AOPEP: variants seen among roughly 807,000 people sequenced by gnomAD.
The protein encoded by AOPEP is aminopeptidase O (putative).
A neutral mutation model predicts 98.1 loss-of-function variants in AOPEP; 77 were observed. The observed-to-expected ratio is 0.78, with a 90% CI of 0.65 to 0.95. The LOEUF is 0.95. AOPEP is among the 40% of genes least tolerant of loss of function. AOPEP has a pLI of 0.00. For synonymous variants in AOPEP, 346 were observed against 365.3 expected (o/e 0.95, Z 0.60); for missense variants, 1,024 against 1,024.7 (o/e 1.00, Z 0.01).
chr9:95,093,435 CTT>C, the AOPEP span, among the ~76,000 whole-genome samples: 1 of 152,206 alleles, frequency 6.6e-6, no homozygotes, highest in Non-Finnish European at 1.5e-5. Flanking sequence ...GCGCTGTCTC[CTT>C]TTAAAGTTAC....
Position 94,800,883 on chromosome 9 carries a change from C to T in AOPEP, c.1245C>T (p.Thr415=). 3 of 1,614,148 alleles carry T rather than the reference C, an allele frequency of 1.9e-6. No homozygotes were observed. The highest frequency in any genetic ancestry group is 2.2e-5 in the South Asian group (2 of 91,076). The change falls in exon 5 of 17, where the codon ACC becomes ACT. Residue 415 remains threonine, a synonymous_variant. Coordinates refer to ENST00000375315, the MANE Select transcript of AOPEP (RefSeq NM_001193329.3). ...GCCTCACGGGTGCCTGCCAAGAGAC[C>T]CTTCTGCGGCTGATCCCTCCTTGCC... ...PVCLTGACQE[T]LLRLIPPCLS... is the part of the protein sequence containing the mutation.
At position 94,844,981 on chromosome 9, in the gene AOPEP, T is replaced by C. The variant is rs1033853117; in HGVS notation, c.1364+43979T>C. Among the ~76,000 whole-genome samples, 5 of 152,208 alleles carry C rather than the reference T, an allele frequency of 3.3e-5. No individual in the cohort carries two copies. The South Asian group carries it at 8.3e-4, about 25-fold the overall frequency. On this transcript the variant is annotated intron_variant, in intron 5 of 16. Transcript: ENST00000375315. ...GAATTTAATTATTCATTCAATCAAT[T>C]AACAAATATTTATGGAACACCTACT...
At chr9:94,875,347 G>GAAAAAAAAAAA (rs71366265) in intron 5 of AOPEP, among the ~76,000 whole-genome samples, 14 of 71,510 alleles carry the variant, frequency 2.0e-4, no homozygotes, top group African/African-American at 7.1e-4. Context: ...AATTGAGCAA[G>GAAAAAAAAAAA]AAAAAAAAAA....
chr9:94,936,723 C>T (rs2056330825), intron 7 of AOPEP, among the ~76,000 whole-genome samples: 1 of 152,224 alleles, frequency 6.6e-6, no homozygotes. Flanking sequence ...ACAAGACTGC[C>T]TTCCACCTCC....
At chr9:94,905,085 G>A (rs540346886) in intron 5 of AOPEP, among the ~76,000 whole-genome samples, 22 of 152,196 alleles carry the variant, frequency 1.4e-4, no homozygotes, top group Non-Finnish European at 2.9e-4. Context: ...ATTGATAAAA[G>A]CATCTTTGTT....
chr9:94,918,281 C>T (rs1377724277), intron 5 of AOPEP, among the ~76,000 whole-genome samples: 3 of 152,150 alleles, frequency 2.0e-5, no homozygotes, highest in Non-Finnish European at 4.4e-5. Context: ...GTAGTGATGC[C>T]CCCCTATGGC....
At chr9:94,784,903 C>T (rs1418817955) in intron 3 of AOPEP, among the ~76,000 whole-genome samples, 1 of 152,046 alleles carries the variant, frequency 6.6e-6, no homozygotes, top group Non-Finnish European at 1.5e-5. Flanking sequence ...CGGCGTGAGT[C>T]ACTGTGCCTG....
chr9:94,800,138 AAT>A (rs1342241442), intron 4 of AOPEP, among the ~76,000 whole-genome samples: 1 of 152,162 alleles, frequency 6.6e-6, no homozygotes, highest in Non-Finnish European at 1.5e-5. Flanking sequence ...GGTTGGGAAA[AAT>A]ACTGTATCAA....
At chr9:95,102,021 C>T in the AOPEP span, among the ~76,000 whole-genome samples, 1 of 152,192 alleles carries the variant, frequency 6.6e-6, no homozygotes, top group South Asian at 2.1e-4. Context: ...ATTAGCATAG[C>T]AAGTCTGTCT....
Position 94,752,359 on chromosome 9 carries a change from T to A in AOPEP, c.-135-7290T>A, listed in dbSNP as rs923371528. ...ACAGACACACAAGTCTCTCTCTCTC[T>A]CACACACACACACACACACACACAC... On this transcript the variant is annotated intron_variant, in intron 1 of 16. Transcript: ENST00000375315. Among the ~76,000 whole-genome samples the A allele has an allele frequency of 7.5e-4, 106 of 140,860 alleles. No homozygotes were observed. In the East Asian group the frequency reaches 9.3e-3, roughly 12 times the overall value. 92.4% of individuals were successfully genotyped at this position (140,860 alleles called of 152,430 possible).
Position 94,760,091 on chromosome 9 carries a change from G to C in AOPEP, c.308G>C (p.Ser103Thr), listed in dbSNP as rs118018100. 6.2e-7 allele frequency: 1 copy of C among 1,614,146 alleles called. No homozygotes were observed. Among genetic ancestry groups the C allele is most frequent in the Non-Finnish European group, 8.5e-7 (1 of 1,180,026 alleles). Residue 103 changes from serine to threonine, a missense_variant, in exon 2 of 17, where the codon AGT becomes ACT. This residue lies in a region of AOPEP where 440 missense variants were observed against 433.8 expected (regional missense o/e 1.01). Transcript: ENST00000375315. ...GAATATAATGATTTTGCAATCTGTA[G>C]TAAAGGTGAAAAAGATACTTCTGAT... is the stretch of plus-strand genomic sequence containing the variant. ...EMEYNDFAICSKGEKDTSDKD... is the reference protein window; with the variant it reads ...EMEYNDFAICTKGEKDTSDKD...
intron 5 of AOPEP, among the ~76,000 whole-genome samples, chr9:94,819,836 G>A (rs1478302893): frequency 6.6e-6 from 1 of 151,860 alleles, no homozygotes; most frequent in Non-Finnish European, 1.5e-5. Context: ...GCCTTCTGAA[G>A]TGCTGGGATT....
intron 3 of AOPEP, among the ~76,000 whole-genome samples, chr9:94,779,570 C>G (rs1259956076): frequency 6.6e-6 from 1 of 152,048 alleles, no homozygotes; most frequent in Non-Finnish European, 1.5e-5. Flanking sequence ...TCTTACAACT[C>G]TTACACATCC....
At chr9:94,816,508 A>C (rs1851730255) in intron 5 of AOPEP, among the ~76,000 whole-genome samples, 1 of 152,176 alleles carries the variant, frequency 6.6e-6, no homozygotes, top group Non-Finnish European at 1.5e-5. Context: ...CAGCATCCCC[A>C]TTGGCCACCT....
intron 5 of AOPEP, among the ~76,000 whole-genome samples, chr9:94,903,513 G>C (rs2050704570): frequency 6.6e-6 from 1 of 151,688 alleles, no homozygotes; most frequent in Non-Finnish European, 1.5e-5. Context: ...TCACCTGCCA[G>C]TGCAGTGGCT....
At chr9:94,994,749 C>T (rs528389065) in intron 11 of AOPEP, among the ~76,000 whole-genome samples, 6 of 152,152 alleles carry the variant, frequency 3.9e-5, no homozygotes, top group East Asian at 1.9e-4. Context: ...GTCAGGAGTT[C>T]GAGAACAGCC....
At chr9:94,844,949 A>C (rs1193509625) in intron 5 of AOPEP, among the ~76,000 whole-genome samples, 2 of 152,208 alleles carry the variant, frequency 1.3e-5, no homozygotes, top group East Asian at 3.8e-4. Context: ...AAAAAGATGA[A>C]GTCCAAGAAT....
At chr9:94,766,524 G>A (rs1588113904) in intron 2 of AOPEP, among the ~76,000 whole-genome samples, 1 of 152,174 alleles carries the variant, frequency 6.6e-6, no homozygotes, top group Non-Finnish European at 1.5e-5. Context: ...GCGACAGAGC[G>A]AGACTCCATC....
At chr9:94,736,240 C>G (rs1831740408) in intron 1 of AOPEP, among the ~76,000 whole-genome samples, 1 of 152,132 alleles carries the variant, frequency 6.6e-6, no homozygotes, top group Non-Finnish European at 1.5e-5. Context: ...TTTGAGGAGT[C>G]TGTATCTGTA....
Sources: allele counts gnomAD v4.1 joint callset (sites outside exome capture counted in the v4.1 genomes callset), GRCh38; gene constraint gnomAD v4.1.1; regional missense constraint gnomAD v4.1.1; transcripts MANE v1.5; gene names NCBI Gene and HGNC (gene_info 2026-07-23, HGNC 2026-07-21).